The following BCKDHB variants were observed in gnomAD, a reference collection of about 807,000 sequenced individuals.
The protein encoded by BCKDHB is branched chain keto acid dehydrogenase E1 subunit beta.
BCKDHB carries 41 observed loss-of-function variants against 48.5 expected under a neutral mutation model. The observed-to-expected ratio is 0.85, with a 90% CI of 0.66 to 1.10. BCKDHB has a LOEUF of 1.10. BCKDHB is among the 50% of genes least tolerant of loss of function. The probability of loss-of-function intolerance (pLI) is 0.00; values close to 1 mark genes in which losing one functional copy is unlikely to be tolerated. For synonymous variants in BCKDHB, 201 were observed against 174.8 expected (o/e 1.15, Z -1.18); for missense variants, 496 against 494.2 (o/e 1.00, Z -0.03).
At chr6:80,461,459 C>T in the BCKDHB span, among the ~76,000 whole-genome samples, 1 of 152,078 alleles carries the variant, frequency 6.6e-6, no homozygotes, top group Non-Finnish European at 1.5e-5. Context: ...ACTGGTTTTC[C>T]CTGACTCTTT....
intron 8 of BCKDHB, among the ~76,000 whole-genome samples, chr6:80,248,044 A>C (rs1426981027): frequency 6.6e-6 from 1 of 152,196 alleles, no homozygotes; most frequent in East Asian, 1.9e-4. Context: ...TTCAAACTTC[A>C]ACTCTATTTG....
At chr6:80,114,478 G>A (rs1769579850) in intron 1 of BCKDHB, among the ~76,000 whole-genome samples, 1 of 151,782 alleles carries the variant, frequency 6.6e-6, no homozygotes, top group Admixed American at 6.6e-5. Flanking sequence ...TGAACTCCTG[G>A]GCTCAAGCAG....
chr6:80,431,500 G>A, the BCKDHB span, among the ~76,000 whole-genome samples: 1 of 152,150 alleles, frequency 6.6e-6, no homozygotes, highest in Non-Finnish European at 1.5e-5. Context: ...GAATCTGGGT[G>A]CTCCTGTATT....
chr6:80,245,536 A>G (rs1776575274), intron 8 of BCKDHB, among the ~76,000 whole-genome samples: 1 of 152,144 alleles, frequency 6.6e-6, no homozygotes, highest in African/African-American at 2.4e-5. Context: ...AGATCATTTT[A>G]AGTTCTGATA....
chr6:80,238,059 C>T (rs1776217652), intron 8 of BCKDHB, among the ~76,000 whole-genome samples: 1 of 152,148 alleles, frequency 6.6e-6, no homozygotes, highest in Non-Finnish European at 1.5e-5. Context: ...TCCTTCGCTT[C>T]CTTCCTTCCA....
intron 9 of BCKDHB, among the ~76,000 whole-genome samples, chr6:80,298,301 C>T (rs556526350): frequency 2.0e-5 from 3 of 152,084 alleles, no homozygotes; most frequent in Non-Finnish European, 4.4e-5. Flanking sequence ...GTGGTAGAGA[C>T]AGGGTTTTGC....
chr6:80,193,980 GT>G (rs1232433434), intron 6 of BCKDHB, among the ~76,000 whole-genome samples: 29 of 152,156 alleles, frequency 1.9e-4, no homozygotes, highest in Non-Finnish European at 3.5e-4. Flanking sequence ...TTCTTTTACA[GT>G]TAGAGAGCTT....
chr6:80,422,391 G>A, the BCKDHB span, among the ~76,000 whole-genome samples: 2 of 152,182 alleles, frequency 1.3e-5, no homozygotes, highest in Non-Finnish European at 2.9e-5. Flanking sequence ...AGAACCTCTA[G>A]GGCAATGCAG....
chr6:80,155,610 T>C (rs958745859), intron 3 of BCKDHB, among the ~76,000 whole-genome samples: 2 of 152,158 alleles, frequency 1.3e-5, no homozygotes, highest in African/African-American at 4.8e-5. Flanking sequence ...TACCCAACCA[T>C]AGTTTTTACA....
At chr6:80,419,386 G>A in the BCKDHB span, among the ~76,000 whole-genome samples, 17 of 152,174 alleles carry the variant, frequency 1.1e-4, no homozygotes, top group Admixed American at 1.0e-3. Context: ...GGATGGCCAG[G>A]CTGGGGCCCC....
At chr6:80,278,478 G>T in intron 9 of BCKDHB, among the ~76,000 whole-genome samples, 1 of 152,102 alleles carries the variant, frequency 6.6e-6, no homozygotes, top group East Asian at 1.9e-4. Flanking sequence ...TACTCTGTTG[G>T]TTCTTCTCCT....
intron 8 of BCKDHB, among the ~76,000 whole-genome samples, chr6:80,253,530 T>C (rs1776917651): frequency 1.3e-5 from 2 of 152,128 alleles, no homozygotes; most frequent in East Asian, 3.9e-4. Context: ...TTTGATTGAC[T>C]CTTTGATTGA....
the BCKDHB span, among the ~76,000 whole-genome samples, chr6:80,364,250 A>C: frequency 2.0e-5 from 3 of 152,190 alleles, no homozygotes; most frequent in African/African-American, 7.2e-5. Context: ...AATAGAACCA[A>C]CTGAGGAAGA....
At chr6:80,282,304 A>G (rs1766366923) in intron 9 of BCKDHB, among the ~76,000 whole-genome samples, 1 of 152,170 alleles carries the variant, frequency 6.6e-6, no homozygotes, top group South Asian at 2.1e-4. Flanking sequence ...TGCTGAGATG[A>G]TGTAGAATGT....
At chr6:80,287,185 C>T (rs191003737) in intron 9 of BCKDHB, among the ~76,000 whole-genome samples, 4 of 152,206 alleles carry the variant, frequency 2.6e-5, no homozygotes, top group Non-Finnish European at 5.9e-5. Flanking sequence ...AGAGAGATCC[C>T]AAGCTGGTAA....
chr6:80,213,694 A>G (rs1438517852), intron 8 of BCKDHB, among the ~76,000 whole-genome samples: 1 of 151,428 alleles, frequency 6.6e-6, no homozygotes, highest in African/African-American at 2.4e-5. Context: ...TTTTAACAAA[A>G]TTAGAAAATG....
chr6:80,333,509 C>G (rs996263804), intron 9 of BCKDHB, among the ~76,000 whole-genome samples: 2 of 152,026 alleles, frequency 1.3e-5, no homozygotes, highest in Non-Finnish European at 2.9e-5. Context: ...CTATATGCCT[C>G]CATGTTGTTT....
chr6:80,122,456 G>T (rs116254679), intron 1 of BCKDHB, among the ~76,000 whole-genome samples: 4,415 of 152,250 alleles, frequency 0.029, 210 homozygotes, highest in African/African-American at 0.1. Flanking sequence ...TTTAACGTAG[G>T]TTCTTTCTGT....
chr6:80,238,407 A>G (rs1054729622), intron 8 of BCKDHB, among the ~76,000 whole-genome samples: 1 of 152,048 alleles, frequency 6.6e-6, no homozygotes, highest in Non-Finnish European at 1.5e-5. Flanking sequence ...CCTTATCTTT[A>G]AATTATTCAG....
Sources: gnomAD v4.1 joint callset for allele counts (sites outside exome capture counted in the v4.1 genomes callset) on GRCh38, gnomAD v4.1.1 for gene constraint, MANE v1.5 for transcripts, NCBI Gene and HGNC (gene_info 2026-07-23, HGNC 2026-07-21) for gene names.